DNAJC2: variants seen among roughly 807,000 people sequenced by gnomAD.
The protein encoded by DNAJC2 is dnaJ homolog subfamily C member 2.
Under a neutral mutation model 94.0 loss-of-function variants are expected in DNAJC2, and 32 were observed. The observed-to-expected ratio is 0.34, with a 90% CI of 0.26 to 0.46. DNAJC2 has a LOEUF of 0.46. Ranked by LOEUF, DNAJC2 falls within the 20% of genes least tolerant of loss-of-function variation. The pLI is 1.00. For missense variants in DNAJC2, 550 were observed against 719.5 expected (o/e 0.76, Z 2.69); for synonymous variants, 210 against 229.7 (o/e 0.91, Z 0.77).
At chr7:103,334,135 T>A (rs1819077064) in intron 3 of DNAJC2, among the ~76,000 whole-genome samples, 1 of 151,956 alleles carries the variant, frequency 6.6e-6, no homozygotes, top group Admixed American at 6.5e-5. Flanking sequence ...GTATTTTTAG[T>A]AGAGATGGGG....
At chr7:103,328,846 C>A in intron 3 of DNAJC2, 1 of 337,296 alleles carries the variant, frequency 3.0e-6, no homozygotes, top group Non-Finnish European at 5.3e-6. Flanking sequence ...TGTGCCATTT[C>A]CAATTTTGCA....
intron 5 of DNAJC2, among the ~76,000 whole-genome samples, chr7:103,325,881 G>A (rs1818676587): frequency 6.6e-6 from 1 of 152,128 alleles, no homozygotes. Flanking sequence ...AACTGACAAT[G>A]AGTCAGAGAG....
Position 103,322,499 on chromosome 7 carries a change from ATGT to A in DNAJC2, c.933+9_933+11del. The A allele has an allele frequency of 4.8e-6, 7 of 1,451,572 alleles. No individual in the cohort carries two copies. The highest frequency in any genetic ancestry group is 6.6e-6 in the Non-Finnish European group (7 of 1,063,928). 89.9% of individuals were successfully genotyped at this position (1,451,572 alleles called of 1,614,324 possible). A position where few individuals can be genotyped will look rare whatever the true frequency, so the allele number is the denominator to read the frequency against. ...AACATTTAAAGTCCACCTTCATTAA[ATGT>A]TGTCTTACTTTTTCTTTAGCTTCTT... is the stretch of plus-strand genomic sequence containing the variant. On this transcript the variant is annotated intron_variant, in intron 9 of 16. Transcript: ENST00000379263.
chr7:103,344,314 G>C, intron 1 of DNAJC2: 1 of 581,264 alleles, frequency 1.7e-6, no homozygotes. Flanking sequence ...CAATCCATGA[G>C]TCAGCAGCGG....
intron 3 of DNAJC2, chr7:103,337,513 T>G: frequency 2.1e-6 from 1 of 467,200 alleles, no homozygotes; most frequent in Non-Finnish European, 3.8e-6. Context: ...ACACCCATCC[T>G]AATTTCTTAT....
At chr7:103,336,143 C>T (rs4729911) in intron 3 of DNAJC2, 9,908 of 152,046 alleles carry the variant, frequency 0.065, 392 homozygotes, top group South Asian at 0.13. Flanking sequence ...CTCCAGCCTG[C>T]GCAACAAGTA....
intron 10 of DNAJC2, chr7:103,320,727 G>C (rs969819211): frequency 7.0e-6 from 1 of 142,370 alleles, no homozygotes; most frequent in African/African-American, 2.6e-5. Context: ...CTGGGCGACA[G>C]AGCAAGACTC....
chr7:103,321,767 C>T (rs889983839), intron 10 of DNAJC2, among the ~76,000 whole-genome samples, 165 bp downstream of exon 10: 3 of 152,156 alleles, frequency 2.0e-5, no homozygotes, highest in African/African-American at 4.8e-5. Flanking sequence ...GAGAATCGCT[C>T]GAACCCGGAG....
At chr7:103,341,738 G>A (rs764550124) in intron 2 of DNAJC2, 26 bp downstream of exon 2, 1 of 1,512,904 alleles carries the variant, frequency 6.6e-7, no homozygotes, top group Admixed American at 2.3e-5. Flanking sequence ...GCATCTGACT[G>A]AACAAAATAT....
intron 3 of DNAJC2, chr7:103,329,502 T>C (rs1586098189): frequency 6.6e-6 from 1 of 152,272 alleles, no homozygotes; most frequent in African/African-American, 2.4e-5. Flanking sequence ...TGACTGATCA[T>C]TTCTTTTGTA....
At chr7:103,322,132 A>G (rs1171233379) in intron 9 of DNAJC2, 51 bp from the exon 10 acceptor site, 5 of 1,317,444 alleles carry the variant, frequency 3.8e-6, no homozygotes, top group Non-Finnish European at 5.1e-6. Flanking sequence ...AAAATTCCTA[A>G]ATGTTTTATA....
At chr7:103,320,157 C>T (rs777463275) in intron 10 of DNAJC2, among the ~76,000 whole-genome samples, 3 of 152,228 alleles carry the variant, frequency 2.0e-5, no homozygotes, top group East Asian at 1.9e-4. Context: ...GGCACGAAAT[C>T]GGCTCACTGC....
chr7:103,334,287 CACGGTGGCTCATGCCTGT>C (rs1449832552), intron 3 of DNAJC2, among the ~76,000 whole-genome samples: 1 of 151,146 alleles, frequency 6.6e-6, no homozygotes, highest in Non-Finnish European at 1.5e-5. Context: ...TTTGGCTGGG[CACGGTGGCTCATGCCTGT>C]AATCCCAGCA....
chr7:103,322,863 T>C (rs1268893401), intron 7 of DNAJC2, 69 bp from the exon 8 acceptor site: 16 of 1,181,384 alleles, frequency 1.4e-5, no homozygotes, highest in Non-Finnish European at 1.8e-5. Flanking sequence ...TGCAATATTT[T>C]ATAAAATATT....
rs1373860614 is a variant in DNAJC2, at chr7:103,344,723, C to T, written c.-101G>A. 2.3e-6 allele frequency: 3 copies of T among 1,293,098 alleles called. No individual in the cohort carries two copies. Among genetic ancestry groups the T allele is most frequent in the South Asian group, 2.4e-5 (2 of 82,468 alleles). The allele number at this position is 1,293,098 out of a possible 1,614,324, so 80.1% of individuals were successfully genotyped here. On this transcript the variant is annotated 5_prime_UTR_variant, in exon 1 of 17. Coordinates refer to ENST00000379263, the MANE Select transcript of DNAJC2 (RefSeq NM_014377.3). Reference sequence around the variant, plus strand: ...CTACCTCTCACTCCGAGCCTCGCGCCTTGGCTCTAAGACGCCCAGGAACCG... The same window carrying T: ...CTACCTCTCACTCCGAGCCTCGCGCTTTGGCTCTAAGACGCCCAGGAACCG...
chr7:103,314,653 C>T, intron 15 of DNAJC2: 6 of 985,212 alleles, frequency 6.1e-6, no homozygotes, highest in Non-Finnish European at 7.2e-6. Flanking sequence ...TGTTACTTAC[C>T]TTTATTAAAA....
chr7:103,329,029 C>A, intron 3 of DNAJC2: 1 of 1,254,680 alleles, frequency 8.0e-7, no homozygotes. Flanking sequence ...CCTTTTACCA[C>A]AGCCTCAGCC....
chr7:103,326,922 C>G (rs1480031613), intron 4 of DNAJC2, among the ~76,000 whole-genome samples: 1 of 152,050 alleles, frequency 6.6e-6, no homozygotes, highest in Non-Finnish European at 1.5e-5. Context: ...TAAATATCAC[C>G]CACCCCTCAA....
chr7:103,334,626 AAAAG>A (rs1462316090), intron 3 of DNAJC2, among the ~76,000 whole-genome samples: 1 of 151,852 alleles, frequency 6.6e-6, no homozygotes, highest in African/African-American at 2.4e-5. Flanking sequence ...TTAAAAAAAA[AAAAG>A]AGAGACAAGG....
Sources: allele counts gnomAD v4.1 joint callset (sites outside exome capture counted in the v4.1 genomes callset), GRCh38; gene constraint gnomAD v4.1.1; transcripts MANE v1.5; gene names NCBI Gene and HGNC (gene_info 2026-07-23, HGNC 2026-07-21).